Variants in FARS2 observed in about 807,000 individuals in gnomAD.
FARS2 encodes the protein phenylalanyl-tRNA synthetase 2, mitochondrial.
FARS2 carries 40 observed loss-of-function variants against 46.4 expected under a neutral mutation model. The ratio of observed to expected loss-of-function variants is 0.86; its 90% CI spans 0.67 to 1.12. The LOEUF is 1.12. Ranked by LOEUF, FARS2 falls within the 50% of genes most tolerant of loss-of-function variation. The pLI, the probability that FARS2 is intolerant of heterozygous loss-of-function variation, is 0.00. For synonymous variants in FARS2, 234 were observed against 214.9 expected, an observed-to-expected ratio of 1.09 and a Z score of -0.78; for missense variants, 513 against 567.9, an observed-to-expected ratio of 0.90 and a Z score of 0.98.
Position 5,727,780 on chromosome 6 carries a change from C to T in FARS2, c.1218-43511C>T, listed in dbSNP as rs1466176873. On this transcript the variant is annotated intron_variant, in intron 6 of 6. Transcript: ENST00000274680. The surrounding 1 kb of genome is among the most constrained non-coding windows in gnomAD (Gnocchi z 4.1). ...ACTCTGACAGCTCAAAACACTTCCT[C>T]GAGCTTCTATACATTCTGCTCGTTG... Among the ~76,000 whole-genome samples, 4 of 152,202 alleles carry T rather than the reference C, an allele frequency of 2.6e-5. No individual in the cohort carries two copies. Among genetic ancestry groups the T allele is most frequent in the Non-Finnish European group, 5.9e-5 (4 of 68,038 alleles).
intron 1 of FARS2, among the ~76,000 whole-genome samples, chr6:5,307,613 A>G (rs904789087): frequency 2.2e-4 from 33 of 152,358 alleles, no homozygotes; most frequent in African/African-American, 7.5e-4. Flanking sequence ...ATTGGGTAGT[A>G]TTGCTGTTTT....
At chr6:5,702,369 G>A (rs1758497345) in intron 6 of FARS2, among the ~76,000 whole-genome samples, 1 of 152,172 alleles carries the variant, frequency 6.6e-6, no homozygotes, top group Non-Finnish European at 1.5e-5. Flanking sequence ...TTTCTTCAGT[G>A]TTTAAAAAAG....
At chr6:5,736,972 C>T (rs1760993135) in intron 6 of FARS2, among the ~76,000 whole-genome samples, 1 of 152,170 alleles carries the variant, frequency 6.6e-6, no homozygotes, top group African/African-American at 2.4e-5. Flanking sequence ...TCGCCCTCCA[C>T]ACTAAGGCAG....
chr6:5,258,472 T>C (rs1012536787), upstream of FARS2, among the ~76,000 whole-genome samples: 1 of 152,208 alleles, frequency 6.6e-6, no homozygotes, highest in African/African-American at 2.4e-5. Context: ...GAACATAAGA[T>C]AGCAGTGGCA....
At chr6:5,761,919 A>G (rs1219323858) in intron 6 of FARS2, among the ~76,000 whole-genome samples, 1 of 152,070 alleles carries the variant, frequency 6.6e-6, no homozygotes, top group African/African-American at 2.4e-5. Flanking sequence ...AACCAATCAC[A>G]TGAGACTCAT....
chr6:5,276,088 G>GGCTC (rs2127840633), intron 1 of FARS2, among the ~76,000 whole-genome samples: 1 of 152,262 alleles, frequency 6.6e-6, no homozygotes, highest in East Asian at 1.9e-4. Flanking sequence ...TGAAAAAGTA[G>GGCTC]GCTCAATGGG....
chr6:5,359,975 T>TA (rs1451457780), intron 1 of FARS2, among the ~76,000 whole-genome samples: 1 of 152,324 alleles, frequency 6.6e-6, no homozygotes, highest in East Asian at 1.9e-4. Flanking sequence ...TCAAGGCTGT[T>TA]AAAGTGCCTA....
chr6:5,429,227 A>G (rs1041511187), intron 3 of FARS2, among the ~76,000 whole-genome samples: 2 of 152,204 alleles, frequency 1.3e-5, no homozygotes, highest in African/African-American at 4.8e-5. Context: ...TATACACTTT[A>G]TATCTGTGCA....
intron 6 of FARS2, among the ~76,000 whole-genome samples, chr6:5,762,129 A>G (rs982499588): frequency 6.6e-6 from 1 of 152,240 alleles, no homozygotes; most frequent in African/African-American, 2.4e-5. Context: ...TAATTTGTCT[A>G]AGGTCATTCA....
chr6:5,298,702 G>A (rs1420501243), intron 1 of FARS2, among the ~76,000 whole-genome samples: 3 of 152,116 alleles, frequency 2.0e-5, no homozygotes, highest in Admixed American at 1.3e-4. Context: ...CCATCAAGAT[G>A]TGGGACCACT....
chr6:5,771,255 A>G (rs1763032125), intron 6 of FARS2, 36 bp from the exon 7 acceptor site: 2 of 1,613,398 alleles, frequency 1.2e-6, no homozygotes. Context: ...AGCCTTGTTC[A>G]TCCCGCACTC....
intron 6 of FARS2, among the ~76,000 whole-genome samples, chr6:5,617,646 G>A (rs1034561614): frequency 2.0e-5 from 3 of 152,026 alleles, no homozygotes; most frequent in African/African-American, 7.3e-5. Context: ...TTGAATTGAG[G>A]GTATTCTTTT....
chr6:5,352,876 G>A (rs551007049), intron 1 of FARS2, among the ~76,000 whole-genome samples: 2 of 152,178 alleles, frequency 1.3e-5, no homozygotes, highest in African/African-American at 4.8e-5. Context: ...AGGGTATTTA[G>A]CATTTCTGTC....
intron 6 of FARS2, among the ~76,000 whole-genome samples, chr6:5,687,495 G>T (rs1399055670): frequency 2.0e-5 from 3 of 152,272 alleles, no homozygotes; most frequent in East Asian, 1.9e-4. Flanking sequence ...GTTTGTCAAA[G>T]ATCAGATAGT....
At chr6:5,408,222 A>T (rs1761727458) in intron 3 of FARS2, among the ~76,000 whole-genome samples, 1 of 152,174 alleles carries the variant, frequency 6.6e-6, no homozygotes, top group African/African-American at 2.4e-5. Flanking sequence ...CTCCGAGCAC[A>T]CAGGCAAGGC....
chr6:5,422,892 G>A (rs923217318), intron 3 of FARS2, among the ~76,000 whole-genome samples: 35 of 152,170 alleles, frequency 2.3e-4, no homozygotes, highest in African/African-American at 1.2e-4. Context: ...GAGCTGCTAG[G>A]TACTGTGTTA....
chr6:5,475,251 C>T (rs887316844), intron 4 of FARS2, among the ~76,000 whole-genome samples: 3 of 152,034 alleles, frequency 2.0e-5, no homozygotes, highest in African/African-American at 4.8e-5. Context: ...GGACAGTTCT[C>T]AAAAAGAGTT....
At chr6:5,738,432 C>T (rs972050282) in intron 6 of FARS2, among the ~76,000 whole-genome samples, 1 of 152,190 alleles carries the variant, frequency 6.6e-6, no homozygotes, top group African/African-American at 2.4e-5. Context: ...TACATTACTA[C>T]GATCCAAAGT....
chr6:5,730,885 G>T lies in FARS2; in HGVS notation c.1218-40406G>T, dbSNP rs144710882. Reference sequence around the variant, plus strand: ...CCGTTAATCCTTTCAGCCCTAGATGGTCTTTTAGAGATGAGGCAACTGGAA... The same window carrying T: ...CCGTTAATCCTTTCAGCCCTAGATGTTCTTTTAGAGATGAGGCAACTGGAA... On this transcript the variant is annotated intron_variant, in intron 6 of 6. Transcript: ENST00000274680. Among the ~76,000 whole-genome samples, 194 of 152,284 alleles carry T rather than the reference G, an allele frequency of 1.3e-3. 1 individual carries two copies. The highest frequency in any genetic ancestry group is 0.012 in the South Asian group (58 of 4,830).
Sources: allele counts gnomAD v4.1 joint callset (sites outside exome capture counted in the v4.1 genomes callset), GRCh38; gene constraint gnomAD v4.1.1; non-coding constraint Gnocchi (gnomAD v3.1); transcripts MANE v1.5; gene names NCBI Gene and HGNC (gene_info 2026-07-23, HGNC 2026-07-21).